The following CTNNA3 variants were observed in gnomAD, a reference collection of about 807,000 sequenced individuals.
The protein encoded by CTNNA3 is catenin alpha 3.
In CTNNA3, 76 loss-of-function variants were observed where a neutral mutation model predicts 95.7. That is an observed-to-expected ratio of 0.79 (90% confidence interval 0.66 to 0.96). The LOEUF is 0.96. Ranked by LOEUF, CTNNA3 falls within the 40% of genes least tolerant of loss-of-function variation. The pLI, the probability that CTNNA3 is intolerant of heterozygous loss-of-function variation, is 0.00. For missense variants in CTNNA3, 1,191 were observed against 1,089.8 expected (o/e 1.09, Z -1.31); for synonymous variants, 431 against 374.4 (o/e 1.15, Z -1.74).
At chr10:66,432,653 C>G (rs1324853333) in intron 11 of CTNNA3, among the ~76,000 whole-genome samples, 1 of 137,018 alleles carries the variant, frequency 7.3e-6, no homozygotes, top group Non-Finnish European at 1.5e-5. Context: ...AGAGCGAGAC[C>G]ATCTCACAGA....
At chr10:66,497,454 T>C (rs1370617683) in intron 11 of CTNNA3, among the ~76,000 whole-genome samples, 2 of 151,854 alleles carry the variant, frequency 1.3e-5, no homozygotes, top group Non-Finnish European at 2.9e-5. Context: ...TTTCAGCATA[T>C]TGAGATAAAT....
At chr10:66,647,624 C>T (rs991868489) in intron 9 of CTNNA3, among the ~76,000 whole-genome samples, 1 of 151,546 alleles carries the variant, frequency 6.6e-6, no homozygotes, top group Non-Finnish European at 1.5e-5. Flanking sequence ...CATTCTCCTG[C>T]CTCAGCCTCC....
chr10:67,674,270 A>T (rs187422979), intron 1 of CTNNA3, among the ~76,000 whole-genome samples: 240 of 152,190 alleles, frequency 1.6e-3, no homozygotes, highest in African/African-American at 5.3e-3. Context: ...AAGAAAAGAC[A>T]TCAGGAATGT....
At chr10:65,927,196 C>T (rs376629620) in intron 17 of CTNNA3, among the ~76,000 whole-genome samples, 266 of 152,098 alleles carry the variant, frequency 1.7e-3, no homozygotes, top group African/African-American at 6.1e-3. Flanking sequence ...ACGTATTAAA[C>T]GAGTCTTTAA....
intron 1 of CTNNA3, among the ~76,000 whole-genome samples, chr10:67,659,514 C>T (rs1381217790): frequency 6.6e-6 from 1 of 152,058 alleles, no homozygotes; most frequent in Non-Finnish European, 1.5e-5. Flanking sequence ...AAATGGAGAC[C>T]CATCTTATAT....
Position 66,368,771 on chromosome 10 carries a change from T to A in CTNNA3, c.1732+10381A>T, listed in dbSNP as rs1012238293. Among the ~76,000 whole-genome samples, 10 of 152,248 alleles carry A rather than the reference T, an allele frequency of 6.6e-5. No individual in the cohort carries two copies. The South Asian group carries it at 2.1e-3, about 32-fold the overall frequency. On this transcript the variant is annotated intron_variant, in intron 12 of 17. Coordinates refer to ENST00000433211, the MANE Select transcript of CTNNA3 (RefSeq NM_013266.4). ...AAGTACAATATTTTAACTTACTTCT[T>A]CTTCCCTCAAAAATAATTTCATTTT...
chr10:67,635,789 A>G (rs1477497631), intron 2 of CTNNA3, among the ~76,000 whole-genome samples: 1 of 152,202 alleles, frequency 6.6e-6, no homozygotes, highest in Non-Finnish European at 1.5e-5. Flanking sequence ...ACTCCTATTC[A>G]ACATAGTATC....
chr10:66,672,993 G>T (rs1020475088), intron 9 of CTNNA3, among the ~76,000 whole-genome samples: 1 of 151,844 alleles, frequency 6.6e-6, no homozygotes, highest in Non-Finnish European at 1.5e-5. Flanking sequence ...AAGCCATATG[G>T]ATGTTAGTTG....
chr10:67,196,537 C>G (rs1863377086), intron 6 of CTNNA3, among the ~76,000 whole-genome samples: 2 of 152,014 alleles, frequency 1.3e-5, no homozygotes, highest in African/African-American at 4.8e-5. Context: ...GGCCCTAATA[C>G]TGTAATGATG....
chr10:66,270,224 T>TTTG (rs367695664), intron 13 of CTNNA3, among the ~76,000 whole-genome samples: 1,478 of 95,802 alleles, frequency 0.015, 22 homozygotes, highest in East Asian at 0.041. Context: ...TAACATTTTT[T>TTTG]GGGGGGGGGG....
At chr10:67,399,058 A>T (rs551243141) in intron 5 of CTNNA3, among the ~76,000 whole-genome samples, 1 of 152,086 alleles carries the variant, frequency 6.6e-6, no homozygotes, top group African/African-American at 2.4e-5. Flanking sequence ...GAAGGCCTTC[A>T]TCCTTGTTGT....
chr10:67,626,110 G>C (rs1394519766), intron 2 of CTNNA3, among the ~76,000 whole-genome samples: 1 of 150,866 alleles, frequency 6.6e-6, no homozygotes, highest in Non-Finnish European at 1.5e-5. Flanking sequence ...TGAGCCCAGA[G>C]ATCAAGGCTG....
intron 13 of CTNNA3, among the ~76,000 whole-genome samples, chr10:66,208,422 T>A (rs1169338470): frequency 6.6e-6 from 1 of 152,098 alleles, no homozygotes; most frequent in African/African-American, 2.4e-5. Flanking sequence ...TGGTAAAACT[T>A]AACTAAACCA....
intron 9 of CTNNA3, among the ~76,000 whole-genome samples, chr10:66,746,494 A>T (rs935940678): frequency 6.6e-6 from 1 of 152,238 alleles, no homozygotes; most frequent in African/African-American, 2.4e-5. Flanking sequence ...CAGGATAGCT[A>T]TTAATATTAC....
At chr10:66,648,102 G>T (rs1170214247) in intron 9 of CTNNA3, among the ~76,000 whole-genome samples, 2 of 151,986 alleles carry the variant, frequency 1.3e-5, no homozygotes, top group Non-Finnish European at 1.5e-5. Flanking sequence ...CCATCCCATT[G>T]GCCCTGCTTT....
chr10:65,920,524 T>A lies in CTNNA3; in HGVS notation c.2494A>T (p.Ile832Phe), dbSNP rs376310020. Reference protein sequence around the residue: ...VKMSYIASTKIIRIQSPAGPR... With the variant: ...VKMSYIASTKFIRIQSPAGPR... ...CCAGCAGGACTCTGGATTCGGATGA[T>A]CTTGGTTGAGGCAATGTAAGACATT... is the stretch of plus-strand genomic sequence containing the variant. Residue 832 changes from isoleucine (I) to phenylalanine (F), a missense_variant, in exon 18 of 18, where the codon ATC becomes TTC. Transcript: ENST00000433211. The A allele has an allele frequency of 1.1e-5, 18 of 1,614,058 alleles. No homozygotes were observed. Among genetic ancestry groups the A allele is most frequent in the East Asian group, 2.2e-5 (1 of 44,892 alleles).
Position 66,520,972 on chromosome 10 carries a change from G to A in CTNNA3, c.1375-199C>T, listed in dbSNP as rs2035602. On this transcript the variant is annotated intron_variant, in intron 10 of 17. Coordinates refer to ENST00000433211, the MANE Select transcript of CTNNA3 (RefSeq NM_013266.4). ...AATTAATTAAATTATACTCATTCAT[G>A]TTAAACATAAAAAATGGAATTTAAA... Among the ~76,000 whole-genome samples the A allele has an allele frequency of 0.24, 35,904 of 150,360 alleles. 5,305 individuals are homozygous for A. The highest frequency in any genetic ancestry group is 0.79 in the East Asian group (4,054 of 5,118).
chr10:66,774,378 C>T (rs1840211692), intron 8 of CTNNA3, among the ~76,000 whole-genome samples: 1 of 152,190 alleles, frequency 6.6e-6, no homozygotes. Context: ...CACCTCACCA[C>T]ACTGACCTGC....
chr10:67,481,746 AGTT>A (rs1848238457), intron 5 of CTNNA3, among the ~76,000 whole-genome samples: 2 of 152,124 alleles, frequency 1.3e-5, no homozygotes, highest in African/African-American at 4.8e-5. Flanking sequence ...GAAGCTCTTT[AGTT>A]TACTTAGATC....
Sources: allele counts gnomAD v4.1 joint callset (sites outside exome capture counted in the v4.1 genomes callset), GRCh38; gene constraint gnomAD v4.1.1; transcripts MANE v1.5; gene names NCBI Gene and HGNC (gene_info 2026-07-23, HGNC 2026-07-21).